STK39: variants seen among roughly 807,000 people sequenced by gnomAD.
The protein encoded by STK39 is STE20/SPS1-related proline-alanine-rich protein kinase.
In STK39, 20 loss-of-function variants were observed where a neutral mutation model predicts 77.8. The ratio of observed to expected loss-of-function variants is 0.26; its 90% CI spans 0.18 to 0.37. The LOEUF (loss-of-function observed/expected upper bound fraction) is 0.37, where lower values mean the gene tolerates loss of function less well. Ranked by LOEUF, STK39 falls within the 10% of genes least tolerant of loss-of-function variation. STK39 has a pLI of 1.00. For missense variants in STK39, 479 were observed against 656.5 expected (o/e 0.73, Z 2.95); for synonymous variants, 246 against 234.1 (o/e 1.05, Z -0.47).
At chr2:168,214,054 G>C (rs928696503) in intron 1 of STK39, among the ~76,000 whole-genome samples, 19 of 152,056 alleles carry the variant, frequency 1.2e-4, no homozygotes, top group Non-Finnish European at 2.6e-4. Flanking sequence ...CTGAGAGGCC[G>C]GTGGACAACA....
At chr2:168,241,970 G>C (rs959485415) in intron 1 of STK39, among the ~76,000 whole-genome samples, 2 of 152,210 alleles carry the variant, frequency 1.3e-5, no homozygotes, top group African/African-American at 4.8e-5. Context: ...TCAGACTCCA[G>C]AGCCGGCACT....
At position 167,970,060 on chromosome 2, in the gene STK39, C is replaced by T. The variant is rs116544294; in HGVS notation, c.1499-5334G>A. 3.9e-3 allele frequency among the ~76,000 whole-genome samples: 589 copies of T among 152,236 alleles called. 8 individuals carry two copies. The highest frequency in any genetic ancestry group is 0.014 in the African/African-American group (567 of 41,516). Reference sequence around the variant, plus strand: ...CCTCTGTACCTGCCATTCCCTCTCCCGGAAATGTTCTTCCTCCATGACTCC... The same window carrying T: ...CCTCTGTACCTGCCATTCCCTCTCCTGGAAATGTTCTTCCTCCATGACTCC... On this transcript the variant is annotated intron_variant, in intron 16 of 17. Transcript: ENST00000355999.
intron 1 of STK39, among the ~76,000 whole-genome samples, chr2:168,189,891 T>C (rs942117780): frequency 3.3e-5 from 5 of 152,228 alleles, no homozygotes; most frequent in Non-Finnish European, 5.9e-5. Context: ...ATAACCTTTC[T>C]GCCAGTGAAG....
At chr2:168,124,352 C>T (rs1167704376) in intron 10 of STK39, among the ~76,000 whole-genome samples, 2 of 152,092 alleles carry the variant, frequency 1.3e-5, no homozygotes, top group African/African-American at 4.8e-5. Context: ...CAGACATTTG[C>T]ATAGCTACGA....
chr2:168,016,145 CT>C (rs1427996443), intron 15 of STK39, among the ~76,000 whole-genome samples: 3 of 152,080 alleles, frequency 2.0e-5, no homozygotes, highest in African/African-American at 7.2e-5. Flanking sequence ...CCAGGCTGAT[CT>C]CACACTCCTA....
chr2:168,175,678 A>G (rs1462766240), intron 2 of STK39, among the ~76,000 whole-genome samples: 1 of 152,194 alleles, frequency 6.6e-6, no homozygotes, highest in Non-Finnish European at 1.5e-5. Flanking sequence ...TTCGTTAAGA[A>G]TGTTTTTGTG....
At chr2:168,074,032 G>A (rs569856282) in intron 12 of STK39, among the ~76,000 whole-genome samples, 1 of 152,222 alleles carries the variant, frequency 6.6e-6, no homozygotes, top group Admixed American at 6.5e-5. Context: ...AAATGCCTAG[G>A]AAAGGCCTAT....
chr2:168,247,147 G>C, intron 1 of STK39, 81 bp downstream of exon 1: 1 of 1,022,564 alleles, frequency 9.8e-7, no homozygotes, highest in Non-Finnish European at 1.2e-6. Context: ...GTGCATGCAG[G>C]CTAGCCCAGC....
intron 17 of STK39, among the ~76,000 whole-genome samples, chr2:167,959,023 T>C (rs1052831648): frequency 5.3e-5 from 8 of 152,222 alleles, no homozygotes; most frequent in African/African-American, 1.9e-4. Flanking sequence ...CTGTCAAGCT[T>C]ACAGTAGCGA....
intron 16 of STK39, among the ~76,000 whole-genome samples, chr2:167,977,573 GAA>G (rs749526454): frequency 1.6e-5 from 2 of 124,318 alleles, no homozygotes; most frequent in African/African-American, 5.7e-5. Flanking sequence ...ACTTGCTTCG[GAA>G]AAAAAAAAAA....
At chr2:168,173,767 T>A (rs1326926182) in intron 2 of STK39, among the ~76,000 whole-genome samples, 2 of 152,164 alleles carry the variant, frequency 1.3e-5, no homozygotes, top group African/African-American at 2.4e-5. Flanking sequence ...CAGGCTGGTC[T>A]TGAACTCCTG....
intron 10 of STK39, among the ~76,000 whole-genome samples, chr2:168,121,816 C>T (rs1421754430): frequency 6.6e-6 from 1 of 152,194 alleles, no homozygotes; most frequent in Non-Finnish European, 1.5e-5. Context: ...CACCAGACAT[C>T]CTGCACAGAT....
At chr2:168,183,361 T>C (rs1196091072) in intron 1 of STK39, among the ~76,000 whole-genome samples, 1 of 152,140 alleles carries the variant, frequency 6.6e-6, no homozygotes, top group Non-Finnish European at 1.5e-5. Context: ...CACTGCACAG[T>C]AGACACTTGA....
intron 1 of STK39, among the ~76,000 whole-genome samples, chr2:168,214,349 G>A (rs544027211): frequency 2.6e-5 from 4 of 151,986 alleles, no homozygotes; most frequent in African/African-American, 7.2e-5. Flanking sequence ...ACATGCATGC[G>A]AAAGATCACA....
intron 16 of STK39, among the ~76,000 whole-genome samples, chr2:168,003,822 C>G (rs1325453254): frequency 6.6e-6 from 1 of 152,172 alleles, no homozygotes; most frequent in Non-Finnish European, 1.5e-5. Context: ...AATCATAGTA[C>G]AGTTGTGTAA....
At chr2:168,169,080 A>G (rs1688759818) in intron 2 of STK39, among the ~76,000 whole-genome samples, 1 of 152,218 alleles carries the variant, frequency 6.6e-6, no homozygotes, top group South Asian at 2.1e-4. Context: ...AGTATATAAC[A>G]ATGATTTTCC....
chr2:167,956,565 A>G (rs1399262361), intron 17 of STK39, among the ~76,000 whole-genome samples: 2 of 43,766 alleles, frequency 4.6e-5, no homozygotes, highest in Non-Finnish European at 8.4e-5. Context: ...TCCACCTCAG[A>G]AAAAAAAAAA....
At chr2:168,165,075 CCT>C (rs955023243) in intron 3 of STK39, among the ~76,000 whole-genome samples, 46 of 152,044 alleles carry the variant, frequency 3.0e-4, no homozygotes, top group African/African-American at 9.4e-4. Flanking sequence ...GAAAAAAAAA[CCT>C]CTGTTTATTT....
intron 14 of STK39, among the ~76,000 whole-genome samples, chr2:168,034,730 G>C (rs1055416154): frequency 6.6e-6 from 1 of 152,344 alleles, no homozygotes; most frequent in South Asian, 2.1e-4. Context: ...CTGGCAACCA[G>C]TGACAGCACA....
Sources: gnomAD v4.1 joint callset for allele counts (sites outside exome capture counted in the v4.1 genomes callset) on GRCh38, gnomAD v4.1.1 for gene constraint, MANE v1.5 for transcripts, NCBI Gene and HGNC (gene_info 2026-07-23, HGNC 2026-07-21) for gene names.